BPHL: variants seen among roughly 807,000 people sequenced by gnomAD.
BPHL encodes serine hydrolase BPHL.
BPHL carries 27 observed loss-of-function variants against 31.2 expected under a neutral mutation model. That is an observed-to-expected ratio of 0.87 (90% confidence interval 0.64 to 1.19). BPHL has a LOEUF of 1.19. BPHL is among the 50% of genes most tolerant of loss of function. BPHL has a pLI of 0.00. For missense variants in BPHL, 356 were observed against 375.7 expected, an observed-to-expected ratio of 0.95 and a Z score of 0.43; for synonymous variants, 150 against 146.8, an observed-to-expected ratio of 1.02 and a Z score of -0.16.
At chr6:3,144,090 GAC>G (rs949388927) in intron 6 of BPHL, among the ~76,000 whole-genome samples, 19 of 152,114 alleles carry the variant, frequency 1.2e-4, no homozygotes, top group African/African-American at 4.3e-4. Context: ...TTGTTTTTGA[GAC>G]AGAGTCTCGC....
chr6:3,122,826 C>T (rs1204812326), intron 1 of BPHL, among the ~76,000 whole-genome samples: 2 of 152,176 alleles, frequency 1.3e-5, no homozygotes, highest in Non-Finnish European at 2.9e-5. Flanking sequence ...CTGCAGCAGG[C>T]CAGACAACAC....
At chr6:3,128,902 A>C in intron 3 of BPHL, 143 bp from the exon 4 acceptor site, 1 of 1,238,488 alleles carries the variant, frequency 8.1e-7, no homozygotes, top group South Asian at 1.3e-5. Flanking sequence ...GATGTCATCA[A>C]ATGGTGGACT....
At chr6:3,129,020 C>T (rs375059299) in intron 3 of BPHL, 25 bp from the exon 4 acceptor site, 24 of 1,614,172 alleles carry the variant, frequency 1.5e-5, no homozygotes, top group Middle Eastern at 1.6e-4. Flanking sequence ...TAACCCGTGC[C>T]GTGCATTTTG....
chr6:3,119,415 C>T (rs776068660), intron 1 of BPHL: 5 of 1,610,206 alleles, frequency 3.1e-6, no homozygotes, highest in African/African-American at 1.3e-5. Context: ...AATTCAGAAT[C>T]CTGGGCCTCA....
At chr6:3,136,188 G>A (rs904423937) in intron 4 of BPHL, among the ~76,000 whole-genome samples, 10 of 152,166 alleles carry the variant, frequency 6.6e-5, no homozygotes, top group African/African-American at 1.9e-4. Context: ...TCTGCCATAC[G>A]GCCAAAAGTA....
chr6:3,119,417 T>C (rs1213974272), intron 1 of BPHL: 1 of 1,611,114 alleles, frequency 6.2e-7, no homozygotes, highest in Non-Finnish European at 8.5e-7. Context: ...TTCAGAATCC[T>C]GGGCCTCACT....
chr6:3,121,678 T>C (rs1344124674), intron 1 of BPHL, among the ~76,000 whole-genome samples: 1 of 152,210 alleles, frequency 6.6e-6, no homozygotes, highest in Non-Finnish European at 1.5e-5. Context: ...GTAATCATAA[T>C]AAGTAAATGG....
At chr6:3,145,482 A>AGTGCTGG (rs1762313722) in intron 6 of BPHL, among the ~76,000 whole-genome samples, 3 of 5,748 alleles carry the variant, frequency 5.2e-4, no homozygotes, top group African/African-American at 1.9e-3. Context: ...TTGAATGCTG[A>AGTGCTGG]TTCGGGGTGG....
Position 3,119,218 on chromosome 6 carries a change from C to G in BPHL, c.107+371C>G, listed in dbSNP as rs1347745845. The stretch of plus-strand genomic sequence containing the variant: ...CTAGAATCCCAACGCCCTCATTAGT[C>G]CATTGCTCTGTCCAGAGTCCACACT... On this transcript the variant is annotated intron_variant, in intron 1 of 6. Transcript: ENST00000380379. The G allele has an allele frequency of 3.9e-5, 55 of 1,402,804 alleles. 1 individual carries two copies. In the Middle Eastern group the frequency reaches 5.8e-4, roughly 15 times the overall value. 86.9% of individuals were successfully genotyped at this position (1,402,804 alleles called of 1,614,324 possible). A position where few individuals can be genotyped will look rare whatever the true frequency, so the allele number is the denominator to read the frequency against.
At chr6:3,131,412 C>T (rs1297146553) in intron 4 of BPHL, among the ~76,000 whole-genome samples, 3 of 152,160 alleles carry the variant, frequency 2.0e-5, no homozygotes, top group Non-Finnish European at 4.4e-5. Context: ...TCTTCATTTG[C>T]CCACCTTGCC....
intron 1 of BPHL, among the ~76,000 whole-genome samples, chr6:3,119,710 C>G (rs552357096): frequency 6.6e-6 from 1 of 152,300 alleles, no homozygotes; most frequent in Admixed American, 6.5e-5. Flanking sequence ...GCGCAGTTGA[C>G]TGTTGATGGG....
chr6:3,152,683 C>CACTCT lies in BPHL; in HGVS notation c.*108_*109insACTCT. 1.1e-6 allele frequency: 1 copy of CACTCT among 951,304 alleles called. No homozygotes were observed. The highest frequency in any genetic ancestry group is 2.3e-5 in the Admixed American group (1 of 44,116). The allele number at this position is 951,304 out of a possible 1,614,324, so 58.9% of individuals were successfully genotyped here. A position where few individuals can be genotyped will look rare whatever the true frequency, so the allele number is the denominator to read the frequency against. The stretch of plus-strand genomic sequence containing the variant: ...TCCGCCTTTGAAACTTTCTACCCCT[C>CACTCT]CCTTCAATCTTATCCTAACCAAATG... On this transcript the variant is annotated 3_prime_UTR_variant, in exon 7 of 7. Transcript: ENST00000380379.
chr6:3,150,753 CAG>C lies in BPHL; in HGVS notation c.789-1732_789-1731del, dbSNP rs1431798674. The stretch of plus-strand genomic sequence containing the variant: ...CCTGTTTCCAAAGAGGAACACACAA[CAG>C]AGTTTCTGTGCAGTGAAACCTGTGT... On this transcript the variant is annotated intron_variant, in intron 6 of 6. Transcript: ENST00000380379. Among the ~76,000 whole-genome samples the C allele has an allele frequency of 2.0e-5, 3 of 152,192 alleles. No homozygotes were observed. In the South Asian group the frequency reaches 6.2e-4, roughly 32 times the overall value.
rs1762149845 is a variant in BPHL at position 3,140,630 on chromosome 6, A to G, written c.788+121A>G. ...TAGAGTGCACAGCCCCCCTTTTGCCAATGCCAGTCAGTAGCACCGCTTTAT... is the reference window on the plus strand; with the variant it reads ...TAGAGTGCACAGCCCCCCTTTTGCCGATGCCAGTCAGTAGCACCGCTTTAT... On this transcript the variant is annotated intron_variant, in intron 6 of 6. Transcript: ENST00000380379. The surrounding 1 kb of genome is among the most constrained non-coding windows in gnomAD (Gnocchi z 5.2). The G allele has an allele frequency of 7.6e-6, 11 of 1,445,464 alleles. No individual in the cohort carries two copies. Among genetic ancestry groups the G allele is most frequent in the Non-Finnish European group, 1.0e-5 (11 of 1,065,860 alleles). 89.5% of individuals were successfully genotyped at this position (1,445,464 alleles called of 1,614,324 possible).
chr6:3,132,437 T>C (rs1172930189), intron 4 of BPHL, among the ~76,000 whole-genome samples: 3 of 152,018 alleles, frequency 2.0e-5, no homozygotes, highest in Non-Finnish European at 4.4e-5. Flanking sequence ...AGTGCTCTGC[T>C]CCCCTCTTAC....
At chr6:3,144,674 G>A (rs9328145) in intron 6 of BPHL, among the ~76,000 whole-genome samples, 87,058 of 152,074 alleles carry the variant, frequency 0.57, 26,261 homozygotes, top group Non-Finnish European at 0.69. Flanking sequence ...TTACAGGTGT[G>A]AGCCACTGCA....
chr6:3,137,225 A>AGAGG (rs1373087585), intron 4 of BPHL, 137 bp from the exon 5 acceptor site: 3 of 1,144,020 alleles, frequency 2.6e-6, no homozygotes, highest in East Asian at 4.9e-5. Flanking sequence ...TAAGCCGAGC[A>AGAGG]GAGGGAGGGA....
chr6:3,120,899 C>T (rs905888538), intron 1 of BPHL, among the ~76,000 whole-genome samples: 7 of 152,148 alleles, frequency 4.6e-5, no homozygotes, highest in African/African-American at 9.7e-5. Flanking sequence ...AGTGTGGCCC[C>T]GGTGCCTGAG....
chr6:3,139,591 CAG>C (rs1280370493), intron 5 of BPHL: 2 of 152,260 alleles, frequency 1.3e-5, no homozygotes, highest in Non-Finnish European at 2.9e-5. Context: ...CCAGCCTTCT[CAG>C]AGCTGCAGTG....
Sources: gnomAD v4.1 joint callset for allele counts (sites outside exome capture counted in the v4.1 genomes callset) on GRCh38, gnomAD v4.1.1 for gene constraint, Gnocchi (gnomAD v3.1) non-coding constraint, MANE v1.5 for transcripts, NCBI Gene and HGNC (gene_info 2026-07-23, HGNC 2026-07-21) for gene names.